The following GLIS3 variants were observed in gnomAD, a reference collection of about 807,000 sequenced individuals.
The protein encoded by GLIS3 is zinc finger protein GLIS3.
In GLIS3, 53 loss-of-function variants were observed where a neutral mutation model predicts 78.6. The ratio of observed to expected loss-of-function variants is 0.67; its 90% confidence interval spans 0.54 to 0.85. The LOEUF (loss-of-function observed/expected upper bound fraction) is 0.85. Among genes scored for constraint, GLIS3 ranks in the 40% least tolerant of loss-of-function variants. The pLI is 0.00. For missense variants in GLIS3, 1,703 were observed against 1,231.1 expected, an observed-to-expected ratio of 1.38 and a Z score of -5.74; for synonymous variants, 684 against 509.9, an observed-to-expected ratio of 1.34 and a Z score of -4.60.
At chr9:4,303,254 G>C (rs970036576), upstream of GLIS3, among the ~76,000 whole-genome samples, 1 of 92,924 alleles carries the variant, frequency 1.1e-5, no homozygotes, top group Non-Finnish European at 2.1e-5. Flanking sequence ...AGTATGCCTA[G>C]CTATTAAAAC....
intron 2 of GLIS3, among the ~76,000 whole-genome samples, chr9:4,175,589 ACT>A (rs1417906982): frequency 6.6e-6 from 1 of 152,072 alleles, no homozygotes; most frequent in East Asian, 1.9e-4. Context: ...GCCATTCGTT[ACT>A]CTCCTGGCAA....
intron 2 of GLIS3, among the ~76,000 whole-genome samples, chr9:4,329,973 TTG>T (rs141645478): frequency 0.089 from 13,616 of 152,196 alleles, 1,018 homozygotes; most frequent in East Asian, 0.21. Context: ...CAATTAATCT[TTG>T]TGTTTTTCTT....
chr9:4,299,120 G>A, intron 1 of GLIS3, among the ~76,000 whole-genome samples: 1 of 152,078 alleles, frequency 6.6e-6, no homozygotes, highest in Admixed American at 6.6e-5. Flanking sequence ...CCGAATTAGC[G>A]CAACTTTAAA....
chr9:3,965,834 A>C (rs1817898741), intron 4 of GLIS3, among the ~76,000 whole-genome samples: 1 of 152,216 alleles, frequency 6.6e-6, no homozygotes, highest in Non-Finnish European at 1.5e-5. Context: ...ACCCCAGGAA[A>C]CGAAGAGAAA....
Position 3,829,463 on chromosome 9 carries a change from G to T in GLIS3, c.2503C>A (p.Pro835Thr). ...CTCTGGGAATCGGGGTAGTGTGGGGGACAGAACTTCTGCAGCTGCCCATAA... is the reference window on the plus strand; with the variant it reads ...CTCTGGGAATCGGGGTAGTGTGGGGTACAGAACTTCTGCAGCTGCCCATAA... ...GFYGQLQKFC[P>T]PHYPDSQRIV... The change falls in exon 10 of 11, where the codon CCC (proline) becomes ACC (threonine). Residue 835 changes from proline to threonine, a missense_variant. Pro to Thr is a conservative substitution (Grantham distance 38). Coordinates refer to ENST00000381971, the MANE Select transcript of GLIS3 (RefSeq NM_001042413.2). The T allele has an allele frequency of 2.5e-6, 4 of 1,614,086 alleles. No homozygotes were observed. The South Asian group carries it at 4.4e-5, about 18-fold the overall frequency.
chr9:3,878,402 A>T (rs1169428814), intron 8 of GLIS3, among the ~76,000 whole-genome samples: 2 of 152,240 alleles, frequency 1.3e-5, no homozygotes, highest in African/African-American at 4.8e-5. Flanking sequence ...ACGGACATTC[A>T]TTAAACAAAA....
At chr9:4,163,062 G>A (rs1564137254) in intron 2 of GLIS3, among the ~76,000 whole-genome samples, 1 of 152,146 alleles carries the variant, frequency 6.6e-6, no homozygotes, top group Non-Finnish European at 1.5e-5. Flanking sequence ...TGGGCATCAT[G>A]CTAGGGACTC....
chr9:4,271,472 T>C (rs1334877910), intron 2 of GLIS3, among the ~76,000 whole-genome samples: 1 of 152,098 alleles, frequency 6.6e-6, no homozygotes, highest in East Asian at 1.9e-4. Context: ...ACACAGATAC[T>C]AAAAAACAGA....
At chr9:4,165,442 A>G (rs953783085) in intron 2 of GLIS3, among the ~76,000 whole-genome samples, 3 of 152,240 alleles carry the variant, frequency 2.0e-5, no homozygotes, top group Non-Finnish European at 4.4e-5. Flanking sequence ...ACTCCGTCTC[A>G]AAGACAAAAC....
intron 2 of GLIS3, among the ~76,000 whole-genome samples, chr9:4,317,356 A>G (rs950407342): frequency 3.3e-5 from 5 of 152,158 alleles, no homozygotes; most frequent in African/African-American, 1.2e-4. Flanking sequence ...CCTACCCTAA[A>G]GATTCCGATT....
At chr9:4,177,039 G>A (rs113579140) in intron 2 of GLIS3, among the ~76,000 whole-genome samples, 4,034 of 152,288 alleles carry the variant, frequency 0.026, 182 homozygotes, top group African/African-American at 0.092. Context: ...GGTATCCCCC[G>A]AAATTTACAC....
At chr9:3,858,328 G>GA in intron 8 of GLIS3, among the ~76,000 whole-genome samples, 1 of 152,084 alleles carries the variant, frequency 6.6e-6, no homozygotes, top group Admixed American at 6.6e-5. Flanking sequence ...ATTATATGCT[G>GA]ATTAAAATCA....
chr9:4,087,177 A>G (rs143196895), intron 4 of GLIS3, among the ~76,000 whole-genome samples: 236 of 152,136 alleles, frequency 1.6e-3, no homozygotes, highest in African/African-American at 5.4e-3. Flanking sequence ...CTAATAAGTA[A>G]TAATAATAAA....
chr9:4,336,468 C>G (rs1817759039), intron 2 of GLIS3, among the ~76,000 whole-genome samples: 1 of 151,448 alleles, frequency 6.6e-6, no homozygotes, highest in African/African-American at 2.4e-5. Flanking sequence ...GTTTCTGGTG[C>G]CAGACCCTGA....
At chr9:4,403,831 C>T in the GLIS3 span, among the ~76,000 whole-genome samples, 22 of 151,676 alleles carry the variant, frequency 1.5e-4, no homozygotes, top group Non-Finnish European at 2.1e-4. Context: ...TGCAAAACAA[C>T]GAGAAAACAA....
intron 9 of GLIS3, among the ~76,000 whole-genome samples, chr9:3,849,917 A>T (rs1819316683): frequency 6.6e-6 from 1 of 152,094 alleles, no homozygotes; most frequent in African/African-American, 2.4e-5. Context: ...TCAAAAAAAA[A>T]AAAGACATCT....
intron 6 of GLIS3, among the ~76,000 whole-genome samples, chr9:3,918,139 T>C (rs529040838): frequency 6.6e-6 from 1 of 152,332 alleles, no homozygotes; most frequent in South Asian, 2.1e-4. Context: ...CAAATATCCA[T>C]GTTCCCTCTT....
intron 2 of GLIS3, among the ~76,000 whole-genome samples, chr9:4,267,527 C>G (rs1342971806): frequency 6.6e-6 from 1 of 152,188 alleles, no homozygotes; most frequent in Non-Finnish European, 1.5e-5. Flanking sequence ...TAAAACAAGT[C>G]TTTAATCTCT....
the GLIS3 span, among the ~76,000 whole-genome samples, chr9:4,360,826 A>AT: frequency 6.6e-6 from 1 of 152,188 alleles, no homozygotes; most frequent in African/African-American, 2.4e-5. Context: ...GGGAGCAGGC[A>AT]TTTCCTAGCC....
Sources: allele counts gnomAD v4.1 joint callset (sites outside exome capture counted in the v4.1 genomes callset), GRCh38; gene constraint gnomAD v4.1.1; transcripts MANE v1.5; gene names NCBI Gene and HGNC (gene_info 2026-07-23, HGNC 2026-07-21).